The following NELFA variants were observed in gnomAD, a reference collection of about 807,000 sequenced individuals.
The protein encoded by NELFA is negative elongation factor A.
A neutral mutation model predicts 51.8 loss-of-function variants in NELFA; 35 were observed. That is an observed-to-expected ratio of 0.68 (90% CI 0.52 to 0.90). The LOEUF (loss-of-function observed/expected upper bound fraction) is 0.90. NELFA is among the 40% of genes least tolerant of loss of function. The pLI is 0.00. For missense variants in NELFA, 658 were observed against 746.4 expected (o/e 0.88, Z 1.38); for synonymous variants, 417 against 338.4 (o/e 1.23, Z -2.55).
chr4:1,999,475 A>G (rs1728517043), intron 1 of NELFA, among the ~76,000 whole-genome samples: 1 of 152,102 alleles, frequency 6.6e-6, no homozygotes, highest in African/African-American at 2.4e-5. Flanking sequence ...AAAGCAAACA[A>G]AAAGACAGGG....
At chr4:1,993,731 GC>G (rs1728346384) in intron 1 of NELFA, among the ~76,000 whole-genome samples, 1 of 151,980 alleles carries the variant, frequency 6.6e-6, no homozygotes, top group South Asian at 2.1e-4. Flanking sequence ...CCTGGTGGGG[GC>G]CCCTTCCAGC....
chr4:2,006,610 C>T (rs1404971268), intron 1 of NELFA, among the ~76,000 whole-genome samples: 1 of 151,490 alleles, frequency 6.6e-6, no homozygotes, highest in Non-Finnish European at 1.5e-5. Context: ...TCTCCATACA[C>T]ATGCACAAAA....
At chr4:1,984,942 C>T (rs1346732118) in intron 7 of NELFA, 23 bp from the exon 8 acceptor site, 2 of 1,526,480 alleles carry the variant, frequency 1.3e-6, no homozygotes, top group Non-Finnish European at 1.8e-6. Flanking sequence ...GTTTAAGGTT[C>T]CTTCCAGAAG....
chr4:1,996,790 G>A (rs1728438336), intron 1 of NELFA, among the ~76,000 whole-genome samples: 1 of 152,110 alleles, frequency 6.6e-6, no homozygotes, highest in South Asian at 2.1e-4. Context: ...AAATTAGCCG[G>A]GAATGGTGGC....
At chr4:2,003,810 C>G (rs1392541772) in intron 1 of NELFA, 1 of 147,394 alleles carries the variant, frequency 6.8e-6, no homozygotes, top group African/African-American at 2.5e-5. Context: ...ACCTATGTAA[C>G]AAATCTGCAT....
chr4:2,006,631 C>T (rs1040521435), intron 1 of NELFA, among the ~76,000 whole-genome samples: 3 of 151,594 alleles, frequency 2.0e-5, no homozygotes, highest in African/African-American at 4.8e-5. Context: ...ATTAGCCAGG[C>T]GTGGTGGCAG....
At chr4:1,984,213 C>T in intron 8 of NELFA, 100 bp from the exon 9 acceptor site, 1 of 1,346,332 alleles carries the variant, frequency 7.4e-7, no homozygotes, top group Non-Finnish European at 9.8e-7. Context: ...CTTCTCTGTC[C>T]TGCTACCCTC....
At position 1,984,889 on chromosome 4, in the gene NELFA, G is replaced by A; in HGVS notation, c.955C>T (p.Leu319=). The A allele has an allele frequency of 6.3e-7, 1 of 1,578,396 alleles. No individual in the cohort carries two copies. Among genetic ancestry groups the A allele is most frequent in the African/African-American group, 1.3e-5 (1 of 74,464 alleles). ...KLGSLNNEPA[L]PSTSYLPSTP... The stretch of plus-strand genomic sequence containing the variant: ...GAGGGAAGGTAGCTCGTGGAGGGCA[G>A]CGCAGGCTCATTGTTCAGGGACCCA... Residue 319 remains leucine (L), a synonymous_variant, in exon 8 of 11, where the codon CTG becomes TTG. Coordinates refer to ENST00000382882, the MANE Select transcript of NELFA (RefSeq NM_005663.5).
At chr4:1,985,672 A>G (rs1279089658) in intron 7 of NELFA, 104 bp downstream of exon 7, 2 of 824,886 alleles carry the variant, frequency 2.4e-6, no homozygotes, top group Non-Finnish European at 3.9e-6. Flanking sequence ...ACACATATGT[A>G]CATACATATA....
At position 1,989,840 on chromosome 4, in the gene NELFA, G is replaced by T; in HGVS notation, c.412C>A (p.Pro138Thr). Residue 138 changes from proline to threonine, a missense_variant, in exon 3 of 11, where the codon CCA (proline) becomes ACA (threonine). This residue lies in a region of NELFA where 371 missense variants were observed against 448.3 expected (regional missense o/e 0.83). Transcript: ENST00000382882. The surrounding 1 kb of genome is among the most constrained non-coding windows in gnomAD (Gnocchi z 4.8). ...VGECEASAML[P>T]LECQYLNKNA... Reference sequence around the variant, plus strand: ...TTGTTCAAGTACTGGCACTCCAGTGGCAGCATGGCAGACGCTTCACACTCA... The same window carrying T: ...TTGTTCAAGTACTGGCACTCCAGTGTCAGCATGGCAGACGCTTCACACTCA... The T allele has an allele frequency of 6.2e-7, 1 of 1,614,094 alleles. No homozygotes were observed. The highest frequency in any genetic ancestry group is 8.5e-7 in the Non-Finnish European group (1 of 1,180,026).
At position 1,983,448 on chromosome 4, in the gene NELFA, C is replaced by A. The variant is rs377133609; in HGVS notation, c.1458G>T (p.Thr486=). 110 of 1,614,074 alleles carry A rather than the reference C, an allele frequency of 6.8e-5. No homozygotes were observed. The Middle Eastern group carries it at 1.3e-3, about 19-fold the overall frequency. Residue 486 remains threonine (T), a synonymous_variant, in exon 11 of 11, where the codon ACG becomes ACT. Coordinates refer to ENST00000382882, the MANE Select transcript of NELFA (RefSeq NM_005663.5). ...GGCCGTCCGCCTTGGGCAGGTCCTC[C>A]GTGTGCTCGCTCAGCTTGATCTGGA... ...DVIQIKLSEH[T]EDLPKADGQG... is the part of the protein sequence containing the mutation.
In NELFA at chr4:1,983,906, A is replaced by G; in HGVS notation, c.1244T>C (p.Val415Ala). 1 of 1,604,242 alleles carries G rather than the reference A, an allele frequency of 6.2e-7. No homozygotes were observed. Among genetic ancestry groups the G allele is most frequent in the African/African-American group, 1.3e-5 (1 of 74,784 alleles). The change falls in exon 9 of 11, where the codon GTG becomes GCG. Residue 415 changes from valine to alanine, a missense_variant. Transcript: ENST00000382882. ...AGCAGGGGCCTGGGTCTGCGGGGCC[A>G]CCATGGCAACCGGGGGTGTCTGAGT... Reference protein sequence around the residue: ...PTTQTPPVAMVAPQTQAPAQQ... With the variant: ...PTTQTPPVAMAAPQTQAPAQQ...
At chr4:1,993,303 C>A (rs1032790443) in intron 1 of NELFA, among the ~76,000 whole-genome samples, 14 of 152,194 alleles carry the variant, frequency 9.2e-5, no homozygotes, top group African/African-American at 3.4e-4. Flanking sequence ...TTGGCTTTCC[C>A]GGGCGCGGTA....
chr4:1,985,955 G>T, intron 6 of NELFA, 91 bp from the exon 7 acceptor site: 4 of 1,359,262 alleles, frequency 2.9e-6, no homozygotes, highest in Non-Finnish European at 3.0e-6. Flanking sequence ...GCTTCCCAGG[G>T]GAGGCCACCA....
chr4:2,008,960 C>G lies in NELFA; in HGVS notation c.-1G>C, dbSNP rs1728791811. On this transcript the variant is annotated 5_prime_UTR_variant, in exon 1 of 11. Transcript: ENST00000382882. ...TGTCGCTCTCCCGCATGGACGCCAT[C>G]TTGGGGGAAAGCGCGCGCCGCTGCC... 6 of 1,556,572 alleles carry G rather than the reference C, an allele frequency of 3.9e-6. No homozygotes were observed. The highest frequency in any genetic ancestry group is 5.2e-6 in the Non-Finnish European group (6 of 1,149,844).
At chr4:1,992,618 C>G in intron 1 of NELFA, 1 of 223,010 alleles carries the variant, frequency 4.5e-6, no homozygotes, top group Non-Finnish European at 9.3e-6. Flanking sequence ...CAGCCCCAGG[C>G]CTTCCTGACA....
chr4:1,995,115 A>G (rs1728388303), intron 1 of NELFA, among the ~76,000 whole-genome samples: 1 of 152,220 alleles, frequency 6.6e-6, no homozygotes, highest in East Asian at 1.9e-4. Context: ...GTCTCATCCA[A>G]TCAACTGAAA....
chr4:2,007,651 A>C (rs950187825), intron 1 of NELFA, among the ~76,000 whole-genome samples: 3 of 152,160 alleles, frequency 2.0e-5, no homozygotes, highest in Non-Finnish European at 4.4e-5. Context: ...AAAATGAGGA[A>C]GGGGAAAGGA....
intron 2 of NELFA, among the ~76,000 whole-genome samples, chr4:1,990,694 G>A (rs1276609665): frequency 2.0e-5 from 3 of 152,248 alleles, no homozygotes; most frequent in South Asian, 4.1e-4. Context: ...GGGGCACAAC[G>A]TTTGGGCTCT....
Sources: gnomAD v4.1 joint callset for allele counts (sites outside exome capture counted in the v4.1 genomes callset) on GRCh38, gnomAD v4.1.1 for gene constraint, gnomAD v4.1.1 regional missense constraint, Gnocchi (gnomAD v3.1) non-coding constraint, MANE v1.5 for transcripts, NCBI Gene and HGNC (gene_info 2026-07-23, HGNC 2026-07-21) for gene names.